AGMO: variants seen among roughly 807,000 people sequenced by gnomAD.
AGMO encodes alkylglycerol monooxygenase.
A neutral mutation model predicts 60.2 loss-of-function variants in AGMO; 75 were observed. The ratio of observed to expected loss-of-function variants is 1.25; its 90% CI spans 1.03 to 1.51. AGMO has a LOEUF of 1.51. AGMO is among the 40% of genes most tolerant of loss of function. The pLI, the probability that AGMO is intolerant of heterozygous loss-of-function variation, is 0.00. For missense variants in AGMO, 763 were observed against 525.5 expected (o/e 1.45, Z -4.42); for synonymous variants, 261 against 177.1 (o/e 1.47, Z -3.76).
chr7:15,204,541 C>T (rs1208452990), intron 12 of AGMO, among the ~76,000 whole-genome samples: 1 of 152,078 alleles, frequency 6.6e-6, no homozygotes, highest in Non-Finnish European at 1.5e-5. Flanking sequence ...TTATTGTATC[C>T]TAGTTCTAGG....
chr7:15,221,488 G>A (rs1484998884), intron 12 of AGMO, among the ~76,000 whole-genome samples: 2 of 152,080 alleles, frequency 1.3e-5, no homozygotes, highest in Non-Finnish European at 2.9e-5. Context: ...GAGACAAAGG[G>A]CAATAGTGGT....
the AGMO span, among the ~76,000 whole-genome samples, chr7:15,126,226 G>T: frequency 6.6e-6 from 1 of 152,042 alleles, no homozygotes. Flanking sequence ...AACTCTTTAA[G>T]TCTGTTTTTT....
chr7:15,174,616 A>G, the AGMO span, among the ~76,000 whole-genome samples: 11 of 152,134 alleles, frequency 7.2e-5, no homozygotes, highest in African/African-American at 2.4e-4. Flanking sequence ...TCCCATAGAA[A>G]TGCATGAGAG....
intron 3 of AGMO, among the ~76,000 whole-genome samples, chr7:15,481,730 G>A (rs574836886): frequency 5.3e-5 from 8 of 149,824 alleles, no homozygotes; most frequent in South Asian, 2.1e-4. Flanking sequence ...TTCAGGATCC[G>A]CCCATACAAT....
chr7:15,270,666 A>C (rs1177832666), intron 12 of AGMO, among the ~76,000 whole-genome samples: 1 of 64,108 alleles, frequency 1.6e-5, no homozygotes, highest in East Asian at 4.4e-4. Context: ...GGTTTAATTA[A>C]GTCCCATTTA....
At chr7:15,205,850 A>G (rs1781426065) in intron 12 of AGMO, among the ~76,000 whole-genome samples, 1 of 152,140 alleles carries the variant, frequency 6.6e-6, no homozygotes, top group South Asian at 2.1e-4. Context: ...ATGGAAGAGT[A>G]CATTTTTCTG....
intron 10 of AGMO, among the ~76,000 whole-genome samples, chr7:15,380,236 C>A (rs888053353): frequency 5.9e-5 from 9 of 152,082 alleles, no homozygotes; most frequent in Non-Finnish European, 8.8e-5. Context: ...TATTTGCAGA[C>A]GACATGATCC....
At chr7:15,343,560 T>C (rs983816089) in intron 12 of AGMO, among the ~76,000 whole-genome samples, 3 of 152,148 alleles carry the variant, frequency 2.0e-5, no homozygotes, top group South Asian at 4.1e-4. Flanking sequence ...CTATCAGGTA[T>C]AGAAATATAA....
chr7:15,250,692 C>A (rs2128506285), intron 12 of AGMO, among the ~76,000 whole-genome samples: 1 of 152,232 alleles, frequency 6.6e-6, no homozygotes, highest in Middle Eastern at 3.4e-3. Flanking sequence ...GTAATCCCAG[C>A]ACTTTGGGAA....
At chr7:15,522,871 C>A (rs546392073) in intron 3 of AGMO, among the ~76,000 whole-genome samples, 10 of 152,252 alleles carry the variant, frequency 6.6e-5, no homozygotes, top group African/African-American at 2.4e-4. Context: ...TAAAGAGCTT[C>A]TGCACAGCAA....
intron 12 of AGMO, among the ~76,000 whole-genome samples, chr7:15,208,218 G>C (rs1781489888): frequency 6.6e-6 from 1 of 152,074 alleles, no homozygotes; most frequent in African/African-American, 2.4e-5. Flanking sequence ...AAACACTACA[G>C]GGCAGAAACA....
chr7:15,433,272 A>G (rs1386342369), intron 3 of AGMO, among the ~76,000 whole-genome samples: 1 of 152,088 alleles, frequency 6.6e-6, no homozygotes, highest in African/African-American at 2.4e-5. Context: ...AAGAATCCAC[A>G]AAGGTGGAGG....
chr7:15,531,278 TACATATTCTCTAAAAATATTC>T (rs1784333216), intron 3 of AGMO, among the ~76,000 whole-genome samples: 1 of 101,176 alleles, frequency 9.9e-6, no homozygotes, highest in Non-Finnish European at 1.8e-5. Flanking sequence ...ATTCTCTATA[TACATATTCTCTAAAAATATTC>T]TCTATATATA....
At chr7:15,158,346 T>C in the AGMO span, among the ~76,000 whole-genome samples, 1 of 152,274 alleles carries the variant, frequency 6.6e-6, no homozygotes, top group East Asian at 1.9e-4. Flanking sequence ...GAAGTCTCTG[T>C]GATCACATTC....
chr7:15,355,911 G>C (rs548162948), intron 12 of AGMO, among the ~76,000 whole-genome samples: 1 of 151,956 alleles, frequency 6.6e-6, no homozygotes, highest in Non-Finnish European at 1.5e-5. Context: ...TCAAGAAAAA[G>C]AAAACAATGG....
chr7:15,138,278 C>G, the AGMO span, among the ~76,000 whole-genome samples: 1 of 152,124 alleles, frequency 6.6e-6, no homozygotes, highest in Non-Finnish European at 1.5e-5. Flanking sequence ...AGAAAAACTT[C>G]GTGCAATTGA....
At chr7:15,251,411 C>A (rs1159890514) in intron 12 of AGMO, among the ~76,000 whole-genome samples, 1 of 152,022 alleles carries the variant, frequency 6.6e-6, no homozygotes, top group Non-Finnish European at 1.5e-5. Flanking sequence ...GATGAAAGAG[C>A]TAAGAAGCCA....
At chr7:15,470,481 C>G (rs1782423243) in intron 3 of AGMO, among the ~76,000 whole-genome samples, 1 of 151,590 alleles carries the variant, frequency 6.6e-6, no homozygotes, top group South Asian at 2.1e-4. Flanking sequence ...TAAAATTTTT[C>G]AACTTCAAGT....
intron 3 of AGMO, among the ~76,000 whole-genome samples, chr7:15,542,907 T>C (rs1450198562): frequency 6.6e-6 from 1 of 152,180 alleles, no homozygotes; most frequent in Non-Finnish European, 1.5e-5. Flanking sequence ...TAAGCCTTCA[T>C]AGAGTTTCAT....
Sources: allele counts gnomAD v4.1 joint callset (sites outside exome capture counted in the v4.1 genomes callset), GRCh38; gene constraint gnomAD v4.1.1; transcripts MANE v1.5; gene names NCBI Gene and HGNC (gene_info 2026-07-23, HGNC 2026-07-21).